Variants in TET2 observed in about 807,000 individuals in gnomAD.
The protein encoded by TET2 is tet methylcytosine dioxygenase 2.
In TET2, 299 loss-of-function variants were observed where a neutral mutation model predicts 142.9. The ratio of observed to expected loss-of-function variants is 2.09; its 90% CI spans 1.90 to 2.30. TET2 has a LOEUF of 2.30. Ranked by LOEUF, TET2 falls within the 30% of genes most tolerant of loss-of-function variation. The pLI is 0.00. For synonymous variants in TET2, 819 were observed against 849.0 expected, an observed-to-expected ratio of 0.96 and a Z score of 0.61; for missense variants, 2,418 against 2,378.0, an observed-to-expected ratio of 1.02 and a Z score of -0.35.
chr4:105,186,310 A>G (rs1725439501), intron 1 of TET2, among the ~76,000 whole-genome samples: 1 of 151,892 alleles, frequency 6.6e-6, no homozygotes, highest in East Asian at 1.9e-4. Context: ...ATCGGCTTAG[A>G]TTTTTCTTTA....
rs1395787828 is a variant in TET2 at position 105,279,493 on chromosome 4, A to T, written c.*2974A>T. ...AGTGGTGTCAACTTTACTTGAATGA[A>T]TTTTTCATCTTGATTGACGCACAGT... On this transcript the variant is annotated 3_prime_UTR_variant, in exon 11 of 11. Coordinates refer to ENST00000380013, the MANE Select transcript of TET2 (RefSeq NM_001127208.3). 1 of 232,556 alleles carries T rather than the reference A, an allele frequency of 4.3e-6. No individual in the cohort carries two copies. The highest frequency in any genetic ancestry group is 8.5e-6 in the Non-Finnish European group (1 of 117,752). The allele number at this position is 232,556 out of a possible 1,614,324, so 14.4% of individuals were successfully genotyped here.
intron 2 of TET2, among the ~76,000 whole-genome samples, chr4:105,213,185 G>C (rs1040116034): frequency 6.6e-6 from 1 of 152,028 alleles, no homozygotes; most frequent in Non-Finnish European, 1.5e-5. Context: ...TTATGAAATA[G>C]CTAATAGTGA....
intron 1 of TET2, among the ~76,000 whole-genome samples, chr4:105,188,919 A>T (rs2110476611): frequency 6.6e-6 from 1 of 152,220 alleles, no homozygotes; most frequent in South Asian, 2.1e-4. Flanking sequence ...GAGTGATGAA[A>T]ATATTGTAGA....
intron 10 of TET2, among the ~76,000 whole-genome samples, chr4:105,274,652 G>A (rs936044258): frequency 2.0e-5 from 3 of 152,056 alleles, no homozygotes; most frequent in Non-Finnish European, 4.4e-5. Context: ...TATCTTTGCA[G>A]TTGAGTATTA....
intron 1 of TET2, among the ~76,000 whole-genome samples, chr4:105,163,854 A>AGTGTGTGT (rs111673454): frequency 6.8e-4 from 58 of 85,210 alleles, no homozygotes; most frequent in Non-Finnish European, 1.0e-3. Flanking sequence ...AGAGAGAGAG[A>AGTGTGTGT]GTGTGTGTGT....
At position 105,235,777 on chromosome 4, in the gene TET2, C is replaced by T; in HGVS notation, c.1835C>T (p.Pro612Leu). 6.2e-7 allele frequency: 1 copy of T among 1,614,122 alleles called. No homozygotes were observed. The highest frequency in any genetic ancestry group is 8.5e-7 in the Non-Finnish European group (1 of 1,180,026). Residue 612 changes from proline (P) to leucine (L), a missense_variant, in exon 3 of 11, where the codon CCT (proline) becomes CTT (leucine). Coordinates refer to ENST00000380013, the MANE Select transcript of TET2 (RefSeq NM_001127208.3). ...CAATACACTGGAAATTCCAACATGC[C>T]TGGGGGGCTCCCAAGGCAAGCTTAC... ...SKQYTGNSNMPGGLPRQAYTQ... is the reference protein window; with the variant it reads ...SKQYTGNSNMLGGLPRQAYTQ...
chr4:105,258,223 A>G (rs531209613), intron 6 of TET2, among the ~76,000 whole-genome samples: 2 of 152,266 alleles, frequency 1.3e-5, no homozygotes, highest in Middle Eastern at 3.4e-3. Context: ...GATTCTGACA[A>G]TATTTATCAG....
chr4:105,235,173 C>G lies in TET2; in HGVS notation c.1231C>G (p.Pro411Ala), dbSNP rs1728772659. ...ACAATTGCTTCTTTCTCCCCCTCCT[C>G]CTCTTCCACAGGTTCCTCAGCTTCC... is the stretch of plus-strand genomic sequence containing the variant. ...PSQLLLSPPP[P>A]LPQVPQLPSE... The change falls in exon 3 of 11, where the codon CCT becomes GCT. Residue 411 changes from proline to alanine, a missense_variant. Transcript: ENST00000380013. The G allele has an allele frequency of 1.9e-6, 3 of 1,614,008 alleles. No homozygotes were observed. Among genetic ancestry groups the G allele is most frequent in the Non-Finnish European group, 2.5e-6 (3 of 1,179,954 alleles).
chr4:105,250,360 C>T (rs1321154394), intron 6 of TET2, among the ~76,000 whole-genome samples: 2 of 132,722 alleles, frequency 1.5e-5, no homozygotes, highest in Non-Finnish European at 3.2e-5. Flanking sequence ...TTAAGATCAG[C>T]TTCTCCGTTT....
chr4:105,247,137 C>T (rs112478242), intron 6 of TET2, among the ~76,000 whole-genome samples: 1,618 of 152,254 alleles, frequency 0.011, 26 homozygotes, highest in Middle Eastern at 0.041. Context: ...GGACCCATCA[C>T]ACAGCATCAA....
rs183086175 is a variant in TET2 at position 105,269,491 on chromosome 4, G to C, written c.4045-119G>C. 433 of 1,052,244 alleles carry C rather than the reference G, an allele frequency of 4.1e-4. 4 individuals carry two copies. In the East Asian group the frequency reaches 6.5e-3, roughly 16 times the overall value. The allele number at this position is 1,052,244 out of a possible 1,614,324, so 65.2% of individuals were successfully genotyped here. On this transcript the variant is annotated intron_variant, in intron 8 of 10. Transcript: ENST00000380013. ...TTTGTGTCATTCCATTTTGTTTCTG[G>C]ATATATATTTAAGTTCAAAACATTT...
At chr4:105,263,100 T>C (rs987737663) in intron 8 of TET2, among the ~76,000 whole-genome samples, 5 of 152,056 alleles carry the variant, frequency 3.3e-5, no homozygotes, top group Non-Finnish European at 7.4e-5. Context: ...ATAGCAATTT[T>C]AGAATTACAC....
intron 2 of TET2, among the ~76,000 whole-genome samples, chr4:105,233,383 CAAAAAAA>C (rs34890297): frequency 1.3e-5 from 1 of 76,148 alleles, no homozygotes; most frequent in Non-Finnish European, 2.3e-5. Flanking sequence ...GACTCCATCT[CAAAAAAA>C]AAAAAAAAAA....
At chr4:105,240,085 A>G (rs1185515328) in intron 3 of TET2, 1 of 234,968 alleles carries the variant, frequency 4.3e-6, no homozygotes, top group African/African-American at 2.2e-5. Context: ...AAATTAGAAT[A>G]GTAACATCAA....
At chr4:105,270,179 A>ATT (rs1175715652) in intron 9 of TET2, among the ~76,000 whole-genome samples, 1 of 152,196 alleles carries the variant, frequency 6.6e-6, no homozygotes, top group Non-Finnish European at 1.5e-5. Context: ...ATTTAGTAGC[A>ATT]TTCGGTTAGA....
intron 4 of TET2, chr4:105,242,353 C>T: frequency 9.3e-7 from 1 of 1,078,188 alleles, no homozygotes; most frequent in Non-Finnish European, 1.1e-6. Flanking sequence ...ATTTCTAGGA[C>T]TATTCCATAT....
chr4:105,241,717 T>G (rs1578688608), intron 4 of TET2: 1 of 1,272,536 alleles, frequency 7.9e-7, no homozygotes, highest in Non-Finnish European at 1.0e-6. Flanking sequence ...AGCCACAAGG[T>G]ACTGGCACAG....
intron 1 of TET2, among the ~76,000 whole-genome samples, chr4:105,179,298 A>G (rs544734557): frequency 6.6e-6 from 1 of 152,334 alleles, no homozygotes; most frequent in Non-Finnish European, 1.5e-5. Flanking sequence ...ATTTCTGGTT[A>G]GGAAAAATAA....
rs1265149871 is a variant in TET2, at chr4:105,166,193, AG to A, written c.-193+19215del. Among the ~76,000 whole-genome samples the A allele has an allele frequency of 1.4e-4, 22 of 152,310 alleles. No homozygotes were observed. In the Middle Eastern group the frequency reaches 0.017, roughly 118 times the overall value. On this transcript the variant is annotated intron_variant, in intron 1 of 10. Coordinates refer to ENST00000380013, the MANE Select transcript of TET2 (RefSeq NM_001127208.3). ...TGGTTGAACATGTAGAAAAGGAAAAAGTGATCCTGTGACACTAAAATTTAGC... is the reference window on the plus strand; with the variant it reads ...TGGTTGAACATGTAGAAAAGGAAAAATGATCCTGTGACACTAAAATTTAGC...
Sources: gnomAD v4.1 joint callset for allele counts (sites outside exome capture counted in the v4.1 genomes callset) on GRCh38, gnomAD v4.1.1 for gene constraint, MANE v1.5 for transcripts, NCBI Gene and HGNC (gene_info 2026-07-23, HGNC 2026-07-21) for gene names.